AMZ1: variants seen among roughly 807,000 people sequenced by gnomAD.
AMZ1 encodes the protein archaelysin family metallopeptidase 1.
Under a neutral mutation model 29.9 loss-of-function variants are expected in AMZ1, and 39 were observed. That is an observed-to-expected ratio of 1.30 (90% CI 1.01 to 1.70). AMZ1 has a LOEUF of 1.70. Ranked by LOEUF, AMZ1 falls within the 40% of genes most tolerant of loss-of-function variation. The probability of loss-of-function intolerance (pLI) is 0.00; values close to 1 mark genes in which losing one functional copy is unlikely to be tolerated. For missense variants in AMZ1, 1,041 were observed against 680.6 expected, an observed-to-expected ratio of 1.53 and a Z score of -5.89; for synonymous variants, 458 against 304.0, an observed-to-expected ratio of 1.51 and a Z score of -5.27.
At chr7:2,702,560 T>C (rs542486103) in intron 2 of AMZ1, 162 bp from the exon 3 acceptor site, 652 of 772,076 alleles carry the variant, frequency 8.4e-4, no homozygotes, top group Non-Finnish European at 1.2e-3. Flanking sequence ...GAAAAAGTCA[T>C]GCTTTCCATC....
upstream of AMZ1, among the ~76,000 whole-genome samples, chr7:2,685,170 G>A (rs902154939): frequency 2.7e-4 from 41 of 151,636 alleles, no homozygotes; most frequent in African/African-American, 8.7e-4. Context: ...GCCCGGCCTC[G>A]ATGCATAATT....
upstream of AMZ1, among the ~76,000 whole-genome samples, chr7:2,685,365 C>A (rs1290169939): frequency 6.6e-6 from 1 of 151,580 alleles, no homozygotes; most frequent in South Asian, 2.1e-4. Context: ...CGAGACCAGC[C>A]TGGCCAACAG....
In AMZ1 at chr7:2,692,663, C is replaced by T. The variant is rs558354075; in HGVS notation, c.-219+4367C>T. ...CCGTAGCGAGGTCCCCAGGAGTCCC[C>T]GAGGGGACTCTGAGAGGTTGCAGGG... is the stretch of plus-strand genomic sequence containing the variant. On this transcript the variant is annotated intron_variant, in intron 1 of 6. Transcript: ENST00000683327. Among the ~76,000 whole-genome samples the T allele has an allele frequency of 2.5e-4, 38 of 152,252 alleles. 1 individual carries two copies. The highest frequency in any genetic ancestry group is 8.4e-4 in the African/African-American group (35 of 41,546).
At position 2,713,496 on chromosome 7, in the gene AMZ1, C is replaced by G. The variant is rs1788933166; in HGVS notation, c.*618C>G. The stretch of plus-strand genomic sequence containing the variant: ...GGGCCTGCCCTTCAGTTATTTATAG[C>G]TGGAGCTGGAGAGGCTGGCTCAGAT... On this transcript the variant is annotated 3_prime_UTR_variant, in exon 7 of 7. Transcript: ENST00000683327. The G allele has an allele frequency of 6.6e-6, 1 of 152,576 alleles. No homozygotes were observed. The highest frequency in any genetic ancestry group is 2.4e-5 in the African/African-American group (1 of 41,458). 9.5% of individuals were successfully genotyped at this position (152,576 alleles called of 1,614,324 possible).
rs1029201876 is a variant in AMZ1, at chr7:2,731,033, G to A, written n.550+21217G>A. ...TCCTTTTGCCTAGAGCTCGCTGGCT[G>A]GCTGGTCTGACAGCATTCCTGAGCC... On this transcript the variant is annotated intron_variant and non_coding_transcript_variant, in intron 4 of 4. Transcript: ENST00000489665. The surrounding 1 kb of genome is among the most constrained non-coding windows in gnomAD (Gnocchi z 6.0). 8.8e-5 allele frequency: 51 copies of A among 579,446 alleles called. No homozygotes were observed. Among genetic ancestry groups the A allele is most frequent in the Non-Finnish European group, 8.3e-5 (27 of 326,768 alleles). The allele number at this position is 579,446 out of a possible 1,614,324, so 35.9% of individuals were successfully genotyped here.
At chr7:2,721,799 A>C (rs1039168496), downstream of AMZ1, among the ~76,000 whole-genome samples, 1 of 152,142 alleles carries the variant, frequency 6.6e-6, no homozygotes, top group East Asian at 1.9e-4. Context: ...AGGCAGGGAC[A>C]TAACACGCCA....
At chr7:2,751,583 C>CA (rs1220678745) in intron 4 of AMZ1, among the ~76,000 whole-genome samples, 1 of 151,898 alleles carries the variant, frequency 6.6e-6, no homozygotes, top group Non-Finnish European at 1.5e-5. Flanking sequence ...TTAACAAGGC[C>CA]AAATGTTGGT....
At chr7:2,696,723 T>A (rs1787770146) in intron 1 of AMZ1, among the ~76,000 whole-genome samples, 1 of 151,664 alleles carries the variant, frequency 6.6e-6, no homozygotes. Flanking sequence ...CTGTCTCCAC[T>A]AAAAATACAA....
chr7:2,696,019 A>G (rs1382841861), intron 1 of AMZ1, among the ~76,000 whole-genome samples: 1 of 151,308 alleles, frequency 6.6e-6, no homozygotes, highest in African/African-American at 2.4e-5. Context: ...GGGGGAAAAA[A>G]AAAAAAAAAA....
upstream of AMZ1, among the ~76,000 whole-genome samples, chr7:2,687,750 C>G (rs1428760929): frequency 9.2e-5 from 14 of 151,508 alleles, no homozygotes. Flanking sequence ...CTGGTGGCCT[C>G]GTTCACCCCC....
At chr7:2,707,276 CAAAAA>C (rs34223369) in intron 3 of AMZ1, among the ~76,000 whole-genome samples, 14 of 144,694 alleles carry the variant, frequency 9.7e-5, no homozygotes, top group Admixed American at 3.4e-4. Flanking sequence ...CACTCCATCT[CAAAAA>C]AAAAAAACAA....
intron 4 of AMZ1, chr7:2,728,131 ATT>A (rs1432303232): frequency 6.6e-6 from 1 of 152,260 alleles, no homozygotes; most frequent in African/African-American, 2.4e-5. Flanking sequence ...GAAAGACTAA[ATT>A]TATTTTAATA....
At chr7:2,764,068 A>G (rs1040403809), upstream of AMZ1, among the ~76,000 whole-genome samples, 3 of 151,786 alleles carry the variant, frequency 2.0e-5, no homozygotes, top group African/African-American at 7.3e-5. Flanking sequence ...TTGGTTGAGT[A>G]TTTTTTATCA....
chr7:2,693,782 C>T (rs2115063799), intron 1 of AMZ1, among the ~76,000 whole-genome samples: 1 of 152,324 alleles, frequency 6.6e-6, no homozygotes, highest in East Asian at 1.9e-4. Flanking sequence ...GTCTTGATCT[C>T]CTGACCTCCT....
At chr7:2,720,574 T>G (rs766290227), downstream of AMZ1, among the ~76,000 whole-genome samples, 4 of 152,066 alleles carry the variant, frequency 2.6e-5, no homozygotes, top group Non-Finnish European at 5.9e-5. Flanking sequence ...TGGCTAATTT[T>G]TGTATTTTTT....
chr7:2,717,407 A>T lies in AMZ1; in HGVS notation c.*4529A>T, dbSNP rs369479484. Among the ~76,000 whole-genome samples, 4 of 152,264 alleles carry T rather than the reference A, an allele frequency of 2.6e-5. No homozygotes were observed. Among genetic ancestry groups the T allele is most frequent in the African/African-American group, 9.6e-5 (4 of 41,562 alleles). Reference sequence around the variant, plus strand: ...CAGCTCCAGTAAGAGTGAGAGACTCACGGGGGCCTGGCTGCCGTCCTGGGA... The same window carrying T: ...CAGCTCCAGTAAGAGTGAGAGACTCTCGGGGGCCTGGCTGCCGTCCTGGGA... On this transcript the variant is annotated 3_prime_UTR_variant, in exon 7 of 7. Transcript: ENST00000683327.
At chr7:2,724,715 C>T (rs1789553666) in intron 4 of AMZ1, among the ~76,000 whole-genome samples, 1 of 152,196 alleles carries the variant, frequency 6.6e-6, no homozygotes, top group Non-Finnish European at 1.5e-5. Flanking sequence ...AGAAAAAGCA[C>T]CTAAGTTTTG....
chr7:2,706,608 T>G (rs1788367741), intron 3 of AMZ1, among the ~76,000 whole-genome samples: 1 of 152,246 alleles, frequency 6.6e-6, no homozygotes, highest in Admixed American at 6.5e-5. Context: ...GGCTTCCAGA[T>G]GCACAACTCC....
intron 3 of AMZ1, among the ~76,000 whole-genome samples, chr7:2,707,469 T>C (rs1788428394): frequency 1.3e-5 from 2 of 152,126 alleles, no homozygotes; most frequent in East Asian, 1.9e-4. Context: ...CTTCCCTCCC[T>C]GGGCTTCTGG....
Sources: gnomAD v4.1 joint callset for allele counts (sites outside exome capture counted in the v4.1 genomes callset) on GRCh38, gnomAD v4.1.1 for gene constraint, Gnocchi (gnomAD v3.1) non-coding constraint, MANE v1.5 for transcripts, NCBI Gene and HGNC (gene_info 2026-07-23, HGNC 2026-07-21) for gene names.